PGPEP1: variants seen among roughly 807,000 people sequenced by gnomAD.
PGPEP1 encodes pyroglutamyl-peptidase I, also known as pyroglutamyl-peptidase 1.
PGPEP1 carries 15 observed loss-of-function variants against 24.1 expected under a neutral mutation model. That is an observed-to-expected ratio of 0.62 (90% CI 0.42 to 0.96). The LOEUF is 0.96. Among genes scored for constraint, PGPEP1 ranks in the 40% least tolerant of loss-of-function variants. PGPEP1 has a pLI of 0.00. For missense variants in PGPEP1, 242 were observed against 273.4 expected (o/e 0.89, Z 0.81); for synonymous variants, 122 against 116.4 (o/e 1.05, Z -0.31).
chr19:18,364,114 TG>T lies in PGPEP1; in HGVS notation c.*532del, dbSNP rs1384713078. 8.4e-6 allele frequency: 1 copy of T among 118,668 alleles called. No homozygotes were observed. Among genetic ancestry groups the T allele is most frequent in the South Asian group, 3.2e-4 (1 of 3,128 alleles). 7.4% of individuals were successfully genotyped at this position (118,668 alleles called of 1,614,324 possible). On this transcript the variant is annotated 3_prime_UTR_variant, in exon 5 of 5. Transcript: ENST00000269919. Reference sequence around the variant, plus strand: ...TTTCTTTCTTTCTTTCTTTCTTTCTTGCTTTCTTTCTTTCTTGCTTTCTTTC... The same window carrying T: ...TTTCTTTCTTTCTTTCTTTCTTTCTTCTTTCTTTCTTTCTTGCTTTCTTTC...
rs572951800 is a variant in PGPEP1, at chr19:18,363,823, C to T, written c.*240C>T. The T allele has an allele frequency of 4.1e-4, 160 of 388,658 alleles. No homozygotes were observed. The highest frequency in any genetic ancestry group is 1.1e-3 in the Admixed American group (27 of 25,710). The allele number at this position is 388,658 out of a possible 1,614,324, so 24.1% of individuals were successfully genotyped here. A position where few individuals can be genotyped will look rare whatever the true frequency, so the allele number is the denominator to read the frequency against. On this transcript the variant is annotated 3_prime_UTR_variant, in exon 5 of 5. Coordinates refer to ENST00000269919, the MANE Select transcript of PGPEP1 (RefSeq NM_017712.4). ...TCCCTGCATCTGGGGACACAGCTGC[C>T]GTGACCAGGGAGGCCAGCCTGGGAG...
intron 2 of PGPEP1, among the ~76,000 whole-genome samples, chr19:18,344,887 G>A (rs1353025401): frequency 3.3e-5 from 5 of 152,084 alleles, no homozygotes; most frequent in African/African-American, 4.8e-5. Flanking sequence ...AAATCCCTCC[G>A]AGCTTCGGGG....
chr19:18,361,801 C>T, intron 4 of PGPEP1: 3 of 985,150 alleles, frequency 3.0e-6, no homozygotes, highest in Non-Finnish European at 3.6e-6. Context: ...TCTTGTTTTG[C>T]TTTGCTTTTA....
intron 2 of PGPEP1, among the ~76,000 whole-genome samples, chr19:18,353,932 C>T (rs1014115017): frequency 1.3e-5 from 2 of 152,098 alleles, no homozygotes; most frequent in African/African-American, 4.8e-5. Context: ...TTTGTGAATA[C>T]TAGAGAGGCT....
Position 18,367,098 on chromosome 19 carries a change from G to A in PGPEP1, c.*3515G>A, listed in dbSNP as rs940978442. The A allele has an allele frequency of 3.4e-5, 5 of 146,422 alleles. No individual in the cohort carries two copies. Among genetic ancestry groups the A allele is most frequent in the African/African-American group, 1.3e-4 (5 of 38,146 alleles). The allele number at this position is 146,422 out of a possible 1,614,324, so 9.1% of individuals were successfully genotyped here. Reference sequence around the variant, plus strand: ...CTATGCCTGGGAGGTTGAAGCCCCAGTGAGCCATGATCACACCACTGTAGT... The same window carrying A: ...CTATGCCTGGGAGGTTGAAGCCCCAATGAGCCATGATCACACCACTGTAGT... On this transcript the variant is annotated 3_prime_UTR_variant, in exon 5 of 5. Coordinates refer to ENST00000269919, the MANE Select transcript of PGPEP1 (RefSeq NM_017712.4).
Position 18,363,553 on chromosome 19 carries a change from G to A in PGPEP1, c.600G>A (p.Glu200=). Residue 200 remains glutamate (E), a synonymous_variant, in exon 5 of 5, where the codon GAG becomes GAA. Coordinates refer to ENST00000269919, the MANE Select transcript of PGPEP1 (RefSeq NM_017712.4). ...TGTTGGACCTCCTGGAGCAGTCAGA[G>A]GGCAAAATCAACTATTGCCACAAAC... ...EEMLDLLEQS[E]GKINYCHKH 1 of 1,613,918 alleles carries A rather than the reference G, an allele frequency of 6.2e-7. No individual in the cohort carries two copies. Among genetic ancestry groups the A allele is most frequent in the Non-Finnish European group, 8.5e-7 (1 of 1,179,930 alleles).
intron 2 of PGPEP1, among the ~76,000 whole-genome samples, chr19:18,347,175 G>C (rs11879605): frequency 0.062 from 9,344 of 150,948 alleles, 999 homozygotes; most frequent in African/African-American, 0.21. Context: ...TTGACCTCCC[G>C]GGCTCAGGTG....
intron 2 of PGPEP1, chr19:18,349,102 T>A (rs1970944080): frequency 1.0e-6 from 1 of 983,974 alleles, no homozygotes; most frequent in African/African-American, 1.8e-5. Context: ...TGAACACCTC[T>A]CTTGTGACTG....
Position 18,368,096 on chromosome 19 carries a change from G to C in PGPEP1, c.*4513G>C, listed in dbSNP as rs563472949. On this transcript the variant is annotated 3_prime_UTR_variant, in exon 5 of 5. Transcript: ENST00000269919. ...TGCAATGAGCCATGATTACACTACT[G>C]TACCCCAGCCTGGGCAACAGAGCAA... is the stretch of plus-strand genomic sequence containing the variant. 6.6e-6 allele frequency: 1 copy of C among 151,886 alleles called. No homozygotes were observed. The highest frequency in any genetic ancestry group is 2.1e-4 in the South Asian group (1 of 4,798). 9.4% of individuals were successfully genotyped at this position (151,886 alleles called of 1,614,324 possible).
chr19:18,346,627 T>A (rs2144535233), intron 2 of PGPEP1, among the ~76,000 whole-genome samples: 1 of 138,292 alleles, frequency 7.2e-6, no homozygotes, highest in African/African-American at 2.6e-5. Flanking sequence ...GTGTGTCTGT[T>A]TCTCTCTTTT....
At chr19:18,354,003 G>A (rs1341248045) in intron 2 of PGPEP1, among the ~76,000 whole-genome samples, 1 of 152,192 alleles carries the variant, frequency 6.6e-6, no homozygotes, top group African/African-American at 2.4e-5. Context: ...GGGAGGCCAA[G>A]GCAGGTGAAT....
intron 3 of PGPEP1, 88 bp from the exon 4 acceptor site, chr19:18,357,295 A>T: frequency 1.1e-6 from 1 of 887,700 alleles, no homozygotes; most frequent in Non-Finnish European, 1.8e-6. Flanking sequence ...AGAGCTCATT[A>T]AGGATGCTGC....
At chr19:18,342,471 G>T (rs1334647302) in intron 1 of PGPEP1, among the ~76,000 whole-genome samples, 1 of 152,184 alleles carries the variant, frequency 6.6e-6, no homozygotes, top group East Asian at 1.9e-4. Flanking sequence ...AGCCTGGAGG[G>T]CTCATTCCTC....
rs1390895115 is a variant in PGPEP1 at position 18,365,221 on chromosome 19, A to G, written c.*1638A>G. The G allele has an allele frequency of 6.6e-6, 1 of 152,122 alleles. No homozygotes were observed. The highest frequency in any genetic ancestry group is 2.4e-5 in the African/African-American group (1 of 41,406). The allele number at this position is 152,122 out of a possible 1,614,324, so 9.4% of individuals were successfully genotyped here. A position where few individuals can be genotyped will look rare whatever the true frequency, so the allele number is the denominator to read the frequency against. On this transcript the variant is annotated 3_prime_UTR_variant, in exon 5 of 5. Transcript: ENST00000269919. ...ACGACCCCCACAGTGAAAGTAATTG[A>G]GTGAAATGCACGTTCTGGAAATCAG...
In PGPEP1 at chr19:18,346,701, C is replaced by G. The variant is rs184840686; in HGVS notation, c.87+3790C>G. Among the ~76,000 whole-genome samples the G allele has an allele frequency of 1.9e-3, 256 of 134,636 alleles. 1 individual carries two copies. Among genetic ancestry groups the G allele is most frequent in the African/African-American group, 6.7e-3 (248 of 36,828 alleles). 88.3% of individuals were successfully genotyped at this position (134,636 alleles called of 152,430 possible). A position where few individuals can be genotyped will look rare whatever the true frequency, so the allele number is the denominator to read the frequency against. On this transcript the variant is annotated intron_variant, in intron 2 of 4. Coordinates refer to ENST00000269919, the MANE Select transcript of PGPEP1 (RefSeq NM_017712.4). Reference sequence around the variant, plus strand: ...TGTTGCCCAGGCTGTAGTGCAATGGCACAATCTCAGCTCACCGCAACCTCC... The same window carrying G: ...TGTTGCCCAGGCTGTAGTGCAATGGGACAATCTCAGCTCACCGCAACCTCC...
In PGPEP1 at chr19:18,368,910, C is replaced by T. The variant is rs1971628725; in HGVS notation, c.*5327C>T. 6.6e-6 allele frequency: 1 copy of T among 152,500 alleles called. No individual in the cohort carries two copies. Among genetic ancestry groups the T allele is most frequent in the African/African-American group, 2.4e-5 (1 of 41,460 alleles). The allele number at this position is 152,500 out of a possible 1,614,324, so 9.4% of individuals were successfully genotyped here. A position where few individuals can be genotyped will look rare whatever the true frequency, so the allele number is the denominator to read the frequency against. ...TTTGCCAGGTTGCCCCATGCAGCCACCCATCCTCAGCATCCTAACTTGAGG... is the reference window on the plus strand; with the variant it reads ...TTTGCCAGGTTGCCCCATGCAGCCATCCATCCTCAGCATCCTAACTTGAGG... On this transcript the variant is annotated 3_prime_UTR_variant, in exon 5 of 5. Transcript: ENST00000269919.
rs370888859 is a variant in PGPEP1, at chr19:18,344,358, C to T, written c.87+1447C>T. On this transcript the variant is annotated intron_variant, in intron 2 of 4. Coordinates refer to ENST00000269919, the MANE Select transcript of PGPEP1 (RefSeq NM_017712.4). ...GGGGAGCAATGCACAGAGAGAAAGA[C>T]GGAAGTGTTTTCTCGTTATATAAAT... 2.0e-4 allele frequency among the ~76,000 whole-genome samples: 30 copies of T among 152,146 alleles called. 1 individual carries two copies. Among genetic ancestry groups the T allele is most frequent in the African/African-American group, 7.2e-4 (30 of 41,518 alleles).
chr19:18,345,678 A>G (rs1403627597), intron 2 of PGPEP1, among the ~76,000 whole-genome samples: 1 of 149,108 alleles, frequency 6.7e-6, no homozygotes, highest in Non-Finnish European at 1.5e-5. Flanking sequence ...GTGAGCCCTC[A>G]TAGTATCACT....
chr19:18,357,229 A>C (rs1971208662), intron 3 of PGPEP1, among the ~76,000 whole-genome samples, 154 bp from the exon 4 acceptor site: 1 of 152,192 alleles, frequency 6.6e-6, no homozygotes, highest in African/African-American at 2.4e-5. Context: ...TTTTTCCAAG[A>C]GTGACTGCAG....
Sources: allele counts gnomAD v4.1 joint callset (sites outside exome capture counted in the v4.1 genomes callset), GRCh38; gene constraint gnomAD v4.1.1; transcripts MANE v1.5; gene names NCBI Gene and HGNC (gene_info 2026-07-23, HGNC 2026-07-21).